The following RNGTT variants were observed in gnomAD, a reference collection of about 807,000 sequenced individuals.
RNGTT encodes the protein RNA guanylyltransferase and 5'-phosphatase.
In RNGTT, 33 loss-of-function variants were observed where a neutral mutation model predicts 79.3. The ratio of observed to expected loss-of-function variants is 0.42; its 90% CI spans 0.32 to 0.56. The LOEUF (loss-of-function observed/expected upper bound fraction) is 0.56, where lower values mean the gene tolerates loss of function less well. Among genes scored for constraint, RNGTT ranks in the 20% least tolerant of loss-of-function variants. RNGTT has a pLI of 0.17. For synonymous variants in RNGTT, 222 were observed against 235.9 expected (o/e 0.94, Z 0.54); for missense variants, 497 against 739.1 (o/e 0.67, Z 3.80).
intron 8 of RNGTT, among the ~76,000 whole-genome samples, chr6:88,878,338 C>T (rs1256573003): frequency 1.3e-5 from 2 of 152,038 alleles, no homozygotes; most frequent in Admixed American, 1.3e-4. Context: ...CTGAAGTGAT[C>T]CACCCACCTC....
At chr6:88,838,909 C>T (rs1480534543) in intron 11 of RNGTT, among the ~76,000 whole-genome samples, 2 of 152,020 alleles carry the variant, frequency 1.3e-5, no homozygotes, top group African/African-American at 4.8e-5. Context: ...TAAAGACAGC[C>T]AAATAGATCA....
intron 8 of RNGTT, among the ~76,000 whole-genome samples, chr6:88,881,760 C>A (rs1476002713): frequency 6.6e-6 from 1 of 152,120 alleles, no homozygotes; most frequent in Non-Finnish European, 1.5e-5. Context: ...TTGTTAACAA[C>A]AGCCAAAGGA....
At chr6:88,848,293 A>G (rs1308138666) in intron 10 of RNGTT, among the ~76,000 whole-genome samples, 2 of 152,186 alleles carry the variant, frequency 1.3e-5, no homozygotes, top group East Asian at 3.9e-4. Flanking sequence ...TTTAATCACC[A>G]TCTCCATGAT....
At chr6:88,799,700 CAAAAAAAAAAAA>C (rs36033019) in intron 12 of RNGTT, among the ~76,000 whole-genome samples, 64 of 46,236 alleles carry the variant, frequency 1.4e-3, no homozygotes, top group Middle Eastern at 0.016. Flanking sequence ...AACTCCATCT[CAAAAAAAAAAAA>C]AAAAAAAAAA....
chr6:88,731,325 C>T (rs1777108565), intron 13 of RNGTT, among the ~76,000 whole-genome samples: 1 of 152,088 alleles, frequency 6.6e-6, no homozygotes, highest in African/African-American at 2.4e-5. Context: ...TCCTATTATC[C>T]AAAATATTAT....
chr6:88,921,213 A>G (rs1199638403), intron 4 of RNGTT, among the ~76,000 whole-genome samples: 1 of 152,166 alleles, frequency 6.6e-6, no homozygotes, highest in East Asian at 1.9e-4. Context: ...TGTGACCAGT[A>G]GTAAACATTT....
At position 88,769,792 on chromosome 6, in the gene RNGTT, GTTA is replaced by G. The variant is rs766577594; in HGVS notation, c.1418_1420del (p.Ile473del). 1.8e-5 allele frequency: 29 copies of G among 1,608,324 alleles called. No homozygotes were observed. The highest frequency in any genetic ancestry group is 3.4e-6 in the Non-Finnish European group (4 of 1,175,704). Reference sequence around the variant, plus strand: ...TACTTACCCTTCTCCTCCCATTCTTGTTATTTTTAGACGAAAATCCACAGAATT... The same window carrying G: ...TACTTACCCTTCTCCTCCCATTCTTGTTTTTAGACGAAAATCCACAGAATT... On this transcript the variant is annotated inframe_deletion, in exon 13 of 16. Transcript: ENST00000369485.
At chr6:88,939,681 T>C (rs1489087802) in intron 2 of RNGTT, among the ~76,000 whole-genome samples, 1 of 152,058 alleles carries the variant, frequency 6.6e-6, no homozygotes, top group African/African-American at 2.4e-5. Flanking sequence ...ATTATTGTGT[T>C]CCTTTGGAGA....
chr6:88,754,185 G>A (rs1170223715), intron 13 of RNGTT, among the ~76,000 whole-genome samples: 1 of 152,156 alleles, frequency 6.6e-6, no homozygotes, highest in Non-Finnish European at 1.5e-5. Flanking sequence ...GTGAATCCAA[G>A]TGTCTACTGA....
Position 88,771,418 on chromosome 6 carries a change from C to T in RNGTT, c.1339-1544G>A, listed in dbSNP as rs1484403585. The stretch of plus-strand genomic sequence containing the variant: ...TTGCATTAACATATATGTCTTTCTT[C>T]CTGCTAATAGAATAGTCTCAATTAC... On this transcript the variant is annotated intron_variant, in intron 12 of 15. Transcript: ENST00000369485. Among the ~76,000 whole-genome samples, 96 of 145,676 alleles carry T rather than the reference C, an allele frequency of 6.6e-4. 1 individual carries two copies. The highest frequency in any genetic ancestry group is 2.3e-4 in the African/African-American group (9 of 39,676).
intron 14 of RNGTT, among the ~76,000 whole-genome samples, chr6:88,647,543 AG>A (rs957837159): frequency 2.6e-5 from 4 of 151,806 alleles, no homozygotes; most frequent in African/African-American, 9.7e-5. Flanking sequence ...CAACATAGGG[AG>A]GTCCTGTCTC....
chr6:88,614,157 T>G (rs1242132661), intron 15 of RNGTT, 115 bp downstream of exon 15: 2 of 953,146 alleles, frequency 2.1e-6, no homozygotes, highest in African/African-American at 3.3e-5. Context: ...CAAACAAGGA[T>G]GAAGTCCAAA....
chr6:88,773,351 G>A (rs1389580880), intron 12 of RNGTT, among the ~76,000 whole-genome samples: 12 of 145,890 alleles, frequency 8.2e-5, no homozygotes, highest in Non-Finnish European at 1.1e-4. Flanking sequence ...GGATAGCATC[G>A]GGAGATATAC....
intron 11 of RNGTT, among the ~76,000 whole-genome samples, chr6:88,817,317 T>C (rs1343248452): frequency 6.6e-6 from 1 of 151,804 alleles, no homozygotes. Context: ...ATTTTTTGGA[T>C]CTTTTACAGC....
At chr6:88,669,575 T>C (rs1774550612) in intron 14 of RNGTT, among the ~76,000 whole-genome samples, 1 of 152,210 alleles carries the variant, frequency 6.6e-6, no homozygotes, top group Non-Finnish European at 1.5e-5. Flanking sequence ...GTCTAAACCA[T>C]ATTGAGAAGA....
chr6:88,840,767 C>G (rs1196248640), intron 11 of RNGTT, among the ~76,000 whole-genome samples: 1 of 152,126 alleles, frequency 6.6e-6, no homozygotes, highest in Admixed American at 6.5e-5. Flanking sequence ...TAAAGAAAAA[C>G]ATAGTAAGAA....
chr6:88,804,392 C>G (rs1779890232), intron 11 of RNGTT, among the ~76,000 whole-genome samples: 1 of 152,148 alleles, frequency 6.6e-6, no homozygotes, highest in South Asian at 2.1e-4. Context: ...ACCTGTAATT[C>G]TGGCACTTTG....
At chr6:88,892,618 A>C (rs941526149) in intron 6 of RNGTT, among the ~76,000 whole-genome samples, 1 of 152,094 alleles carries the variant, frequency 6.6e-6, no homozygotes, top group Non-Finnish European at 1.5e-5. Context: ...ATATCAAACA[A>C]ATAAGGAACC....
intron 11 of RNGTT, among the ~76,000 whole-genome samples, chr6:88,842,522 A>G (rs1781328897): frequency 6.6e-6 from 1 of 152,202 alleles, no homozygotes; most frequent in South Asian, 2.1e-4. Flanking sequence ...CAGAATTAGT[A>G]TGTTCATGTG....
Sources: gnomAD v4.1 joint callset for allele counts (sites outside exome capture counted in the v4.1 genomes callset) on GRCh38, gnomAD v4.1.1 for gene constraint, MANE v1.5 for transcripts, NCBI Gene and HGNC (gene_info 2026-07-23, HGNC 2026-07-21) for gene names.